Variants in HSD17B12 observed in about 807,000 individuals in gnomAD.
HSD17B12 encodes the protein hydroxysteroid 17-beta dehydrogenase 12, also known as very-long-chain 3-oxoacyl-CoA reductase.
Under a neutral mutation model 39.3 loss-of-function variants are expected in HSD17B12, and 32 were observed. The ratio of observed to expected loss-of-function variants is 0.81; its 90% CI spans 0.61 to 1.09. HSD17B12 has a LOEUF of 1.09. Ranked by LOEUF, HSD17B12 falls within the 50% of genes least tolerant of loss-of-function variation. The pLI is 0.00. For synonymous variants in HSD17B12, 150 were observed against 146.7 expected (o/e 1.02, Z -0.16); for missense variants, 342 against 382.9 (o/e 0.89, Z 0.89).
intron 3 of HSD17B12, among the ~76,000 whole-genome samples, chr11:43,792,130 C>G (rs1013386941): frequency 6.6e-6 from 1 of 152,044 alleles, no homozygotes. Flanking sequence ...TGTCTCACCC[C>G]AAGGGATAGT....
chr11:43,677,337 G>A (rs1949701116), upstream of HSD17B12, among the ~76,000 whole-genome samples: 1 of 152,156 alleles, frequency 6.6e-6, no homozygotes, highest in Admixed American at 6.5e-5. Context: ...TACTGGCTAA[G>A]AACAAATTTT....
intron 1 of HSD17B12, among the ~76,000 whole-genome samples, chr11:43,732,331 T>C (rs1181705450): frequency 6.6e-6 from 1 of 152,164 alleles, no homozygotes. Context: ...GGTATGTCTT[T>C]ATCAGCAGCG....
At chr11:43,732,588 C>T (rs981493938) in intron 1 of HSD17B12, among the ~76,000 whole-genome samples, 4 of 152,002 alleles carry the variant, frequency 2.6e-5, no homozygotes, top group African/African-American at 4.8e-5. Flanking sequence ...CTCAGCCTCT[C>T]GAGTAGCTGG....
the HSD17B12 span, among the ~76,000 whole-genome samples, chr11:43,559,307 T>C: frequency 6.6e-6 from 1 of 152,204 alleles, no homozygotes; most frequent in Non-Finnish European, 1.5e-5. Context: ...TCCAAGACTG[T>C]CAGTATCTCT....
At chr11:43,627,635 T>C in the HSD17B12 span, among the ~76,000 whole-genome samples, 1 of 152,008 alleles carries the variant, frequency 6.6e-6, no homozygotes, top group East Asian at 1.9e-4. Context: ...TAGATTTTGA[T>C]TGAAGAATTC....
chr11:43,560,657 A>T, the HSD17B12 span, among the ~76,000 whole-genome samples: 1 of 152,172 alleles, frequency 6.6e-6, no homozygotes, highest in Non-Finnish European at 1.5e-5. Context: ...GACAGGAACG[A>T]TGGATGGGCA....
intron 3 of HSD17B12, among the ~76,000 whole-genome samples, chr11:43,784,463 G>T (rs1250339205): frequency 6.6e-6 from 1 of 151,518 alleles, no homozygotes; most frequent in South Asian, 2.1e-4. Flanking sequence ...AGGTGGGGGT[G>T]GGGGGCAGCA....
chr11:43,560,592 T>C, the HSD17B12 span, among the ~76,000 whole-genome samples: 1 of 152,080 alleles, frequency 6.6e-6, no homozygotes, highest in East Asian at 1.9e-4. Flanking sequence ...TTGCCCCGAG[T>C]CTCACTGAGC....
chr11:43,683,328 C>T (rs1416958499), intron 1 of HSD17B12, among the ~76,000 whole-genome samples: 1 of 151,784 alleles, frequency 6.6e-6, no homozygotes, highest in Non-Finnish European at 1.5e-5. Flanking sequence ...ACTGGAACAG[C>T]AGAGGATCAT....
At chr11:43,656,579 C>A in the HSD17B12 span, among the ~76,000 whole-genome samples, 1 of 151,832 alleles carries the variant, frequency 6.6e-6, no homozygotes, top group African/African-American at 2.4e-5. Context: ...TGAATGTGTC[C>A]CAGAGATTCT....
chr11:43,572,085 G>T, the HSD17B12 span, among the ~76,000 whole-genome samples: 2 of 152,206 alleles, frequency 1.3e-5, no homozygotes, highest in Admixed American at 6.5e-5. Flanking sequence ...TTTCTTGGAA[G>T]ACTGGACCAG....
chr11:43,826,550 A>G (rs773639818), intron 6 of HSD17B12, among the ~76,000 whole-genome samples: 6 of 152,164 alleles, frequency 3.9e-5, no homozygotes, highest in Non-Finnish European at 5.9e-5. Context: ...ATTTTGAATG[A>G]TATAGGATTG....
At chr11:43,850,918 G>A (rs959027945) in intron 9 of HSD17B12, among the ~76,000 whole-genome samples, 3 of 152,062 alleles carry the variant, frequency 2.0e-5, no homozygotes, top group African/African-American at 4.8e-5. Context: ...AAAATTAGCC[G>A]GGCGTGGTGG....
intron 6 of HSD17B12, among the ~76,000 whole-genome samples, chr11:43,825,807 T>A (rs868144372): frequency 6.6e-6 from 1 of 152,226 alleles, no homozygotes; most frequent in Non-Finnish European, 1.5e-5. Context: ...CTCTGCATTG[T>A]TTTCTTCTTC....
chr11:43,710,195 T>C (rs756524498), intron 1 of HSD17B12, among the ~76,000 whole-genome samples: 21 of 152,234 alleles, frequency 1.4e-4, no homozygotes, highest in Non-Finnish European at 2.8e-4. Context: ...ATCCTTACAA[T>C]GAGTTGTCAT....
intron 7 of HSD17B12, chr11:43,832,970 T>C (rs1441849814): frequency 6.7e-6 from 1 of 149,284 alleles, no homozygotes; most frequent in Non-Finnish European, 1.5e-5. Flanking sequence ...GAGGCATTGG[T>C]CGCAGTGAGC....
the HSD17B12 span, among the ~76,000 whole-genome samples, chr11:43,630,347 T>C: frequency 6.6e-6 from 1 of 152,196 alleles, no homozygotes; most frequent in African/African-American, 2.4e-5. Context: ...ACAACCTGTG[T>C]TTCAGGATGA....
At chr11:43,819,270 A>G (rs546436818) in intron 6 of HSD17B12, among the ~76,000 whole-genome samples, 1 of 152,182 alleles carries the variant, frequency 6.6e-6, no homozygotes, top group African/African-American at 2.4e-5. Flanking sequence ...TATGGTGTAA[A>G]ACCCTGGCCT....
the HSD17B12 span, among the ~76,000 whole-genome samples, chr11:43,629,870 T>C: frequency 1.2e-3 from 182 of 152,354 alleles, 1 homozygote; most frequent in Middle Eastern, 3.4e-3. Flanking sequence ...ACTATTTGTA[T>C]TTAGTTTGAT....
Sources: gnomAD v4.1 joint callset for allele counts (sites outside exome capture counted in the v4.1 genomes callset) on GRCh38, gnomAD v4.1.1 for gene constraint, MANE v1.5 for transcripts, NCBI Gene and HGNC (gene_info 2026-07-23, HGNC 2026-07-21) for gene names.